Variants in CLEC16A observed in about 807,000 individuals in gnomAD.
CLEC16A encodes the protein C-type lectin domain containing 16A.
CLEC16A carries 51 observed loss-of-function variants against 109.5 expected under a neutral mutation model. The ratio of observed to expected loss-of-function variants is 0.47; its 90% CI spans 0.37 to 0.59. The LOEUF is 0.59. CLEC16A is among the 20% of genes least tolerant of loss of function. The pLI is 0.00. For missense variants in CLEC16A, 1,339 were observed against 1,394.0 expected (o/e 0.96, Z 0.63); for synonymous variants, 673 against 564.2 (o/e 1.19, Z -2.73).
intron 11 of CLEC16A, among the ~76,000 whole-genome samples, chr16:11,015,115 AAAAG>A (rs2045663813): frequency 6.6e-6 from 1 of 152,234 alleles, no homozygotes; most frequent in Admixed American, 6.5e-5. Flanking sequence ...AAAACTATCA[AAAAG>A]AAGAGCAAGA....
At chr16:11,164,889 C>T (rs865983695) in intron 22 of CLEC16A, among the ~76,000 whole-genome samples, 9 of 152,174 alleles carry the variant, frequency 5.9e-5, no homozygotes, top group African/African-American at 1.9e-4. Context: ...GAGAGCTGGA[C>T]CGTGTGAAGT....
chr16:11,048,054 T>C (rs553335797), intron 17 of CLEC16A: 1 of 152,346 alleles, frequency 6.6e-6, no homozygotes, highest in Admixed American at 6.5e-5. Context: ...CAAGGTGCGA[T>C]TTGGGTGAGG....
chr16:10,988,966 G>C (rs762533849), intron 10 of CLEC16A, among the ~76,000 whole-genome samples: 2 of 152,168 alleles, frequency 1.3e-5, no homozygotes, highest in Non-Finnish European at 2.9e-5. Flanking sequence ...CTGGGCTTAC[G>C]AGCTGTCTCT....
At chr16:11,102,349 G>A (rs897763012) in intron 19 of CLEC16A, among the ~76,000 whole-genome samples, 3 of 152,206 alleles carry the variant, frequency 2.0e-5, no homozygotes, top group African/African-American at 7.2e-5. Context: ...CGTAAAGCAG[G>A]GAATTTGGTT....
chr16:10,997,162 A>G (rs947561266), intron 10 of CLEC16A, among the ~76,000 whole-genome samples: 1 of 152,048 alleles, frequency 6.6e-6, no homozygotes, highest in Non-Finnish European at 1.5e-5. Flanking sequence ...AGGTCTCACC[A>G]TGCTTCCTGT....
At chr16:11,031,410 G>A (rs2046736410) in intron 13 of CLEC16A, among the ~76,000 whole-genome samples, 1 of 152,206 alleles carries the variant, frequency 6.6e-6, no homozygotes, top group Non-Finnish European at 1.5e-5. Flanking sequence ...CTTACTGGGT[G>A]TGCTGCCATG....
At chr16:11,050,111 C>A (rs779487935) in intron 17 of CLEC16A, among the ~76,000 whole-genome samples, 4 of 152,226 alleles carry the variant, frequency 2.6e-5, no homozygotes, top group Non-Finnish European at 4.4e-5. Flanking sequence ...CATTTGGCGA[C>A]GGCCTTCTTG....
intron 9 of CLEC16A, among the ~76,000 whole-genome samples, chr16:10,980,028 G>A (rs2043231599): frequency 6.6e-6 from 1 of 152,192 alleles, no homozygotes; most frequent in Non-Finnish European, 1.5e-5. Context: ...ATTACAAGCA[G>A]TCCAGACTCT....
chr16:11,148,126 G>A (rs186784337), intron 22 of CLEC16A, among the ~76,000 whole-genome samples: 178 of 152,288 alleles, frequency 1.2e-3, no homozygotes, highest in African/African-American at 3.9e-3. Flanking sequence ...GGGAAAGAAA[G>A]AATTAGAATC....
intron 17 of CLEC16A, among the ~76,000 whole-genome samples, chr16:11,049,837 T>C (rs1597205254): frequency 6.6e-6 from 1 of 152,220 alleles, no homozygotes; most frequent in South Asian, 2.1e-4. Context: ...GAGCTGCAAG[T>C]GAATGAGTGA....
chr16:11,134,830 C>T lies in CLEC16A; in HGVS notation c.2641+8684C>T, dbSNP rs879642197. On this transcript the variant is annotated intron_variant, in intron 22 of 23. Transcript: ENST00000409790. ...GTCAGAGATCAGTAGGATAGGCCCT[C>T]CTTAGAGAGGGGCCTCAAGGGATGC... Among the ~76,000 whole-genome samples, 10 of 152,282 alleles carry T rather than the reference C, an allele frequency of 6.6e-5. No individual in the cohort carries two copies. In the South Asian group the frequency reaches 8.3e-4, roughly 13 times the overall value.
intron 13 of CLEC16A, among the ~76,000 whole-genome samples, chr16:11,035,238 T>TGG (rs2046955568): frequency 6.6e-6 from 1 of 152,226 alleles, no homozygotes; most frequent in Admixed American, 6.5e-5. Flanking sequence ...TCTAGCATGT[T>TGG]TTCTGTGTGG....
chr16:11,166,819 C>G (rs1175904443), intron 23 of CLEC16A, among the ~76,000 whole-genome samples: 1 of 152,218 alleles, frequency 6.6e-6, no homozygotes, highest in African/African-American at 2.4e-5. Context: ...TGATGGGCAG[C>G]AGGCGGGCTG....
intron 18 of CLEC16A, among the ~76,000 whole-genome samples, chr16:11,052,041 T>C (rs1453597946): frequency 6.6e-6 from 1 of 152,186 alleles, no homozygotes; most frequent in Non-Finnish European, 1.5e-5. Context: ...GATAGTGCGA[T>C]GTTAAGGCAT....
chr16:11,022,648 G>C (rs533630209), intron 12 of CLEC16A, among the ~76,000 whole-genome samples: 3 of 151,858 alleles, frequency 2.0e-5, no homozygotes, highest in East Asian at 1.9e-4. Context: ...GCCTGTAATC[G>C]CAGCACTTTG....
intron 3 of CLEC16A, among the ~76,000 whole-genome samples, chr16:10,962,953 G>GGAGGCTGA (rs2042322706): frequency 6.6e-6 from 1 of 152,120 alleles, no homozygotes; most frequent in African/African-American, 2.4e-5. Flanking sequence ...CAGCTACTCA[G>GGAGGCTGA]GAGGCTGAGG....
chr16:11,080,048 C>T (rs539515306), intron 19 of CLEC16A, among the ~76,000 whole-genome samples: 1 of 152,206 alleles, frequency 6.6e-6, no homozygotes, highest in South Asian at 2.1e-4. Flanking sequence ...GCACAGTAAC[C>T]ATAATAGATC....
intron 22 of CLEC16A, among the ~76,000 whole-genome samples, chr16:11,134,924 C>G (rs1447503068): frequency 6.6e-6 from 1 of 152,218 alleles, no homozygotes; most frequent in Non-Finnish European, 1.5e-5. Flanking sequence ...CCCACATCCT[C>G]GTGCCCCAAG....
At chr16:11,160,539 C>T (rs2054686570) in intron 22 of CLEC16A, among the ~76,000 whole-genome samples, 1 of 152,182 alleles carries the variant, frequency 6.6e-6, no homozygotes, top group South Asian at 2.1e-4. Context: ...CAGCCCACCA[C>T]ACCTAGATTC....
Sources: allele counts gnomAD v4.1 joint callset (sites outside exome capture counted in the v4.1 genomes callset), GRCh38; gene constraint gnomAD v4.1.1; transcripts MANE v1.5; gene names NCBI Gene and HGNC (gene_info 2026-07-23, HGNC 2026-07-21).